DPP6: variants seen among roughly 807,000 people sequenced by gnomAD.
DPP6 encodes A-type potassium channel modulatory protein DPP6.
In DPP6, 69 loss-of-function variants were observed where a neutral mutation model predicts 122.6. The ratio of observed to expected loss-of-function variants is 0.56; its 90% CI spans 0.46 to 0.69. The LOEUF is 0.69. Among genes scored for constraint, DPP6 ranks in the 30% least tolerant of loss-of-function variants. The probability of loss-of-function intolerance (pLI) is 0.00; values close to 1 mark genes in which losing one functional copy is unlikely to be tolerated. For synonymous variants in DPP6, 418 were observed against 433.1 expected (o/e 0.97, Z 0.43); for missense variants, 928 against 1,116.9 (o/e 0.83, Z 2.41).
chr7:153,927,221 G>A (rs1281719664), intron 1 of DPP6, among the ~76,000 whole-genome samples: 1 of 152,186 alleles, frequency 6.6e-6, no homozygotes, highest in Admixed American at 6.5e-5. Context: ...GCTGAGGTGG[G>A]AGGATCACTT....
At chr7:154,488,324 T>TA (rs1315045580) in intron 3 of DPP6, among the ~76,000 whole-genome samples, 1 of 151,736 alleles carries the variant, frequency 6.6e-6, no homozygotes, top group African/African-American at 2.4e-5. Flanking sequence ...CCGTCTCTAC[T>TA]AAAAATACAA....
At chr7:154,731,207 G>A (rs2131376735) in intron 8 of DPP6, among the ~76,000 whole-genome samples, 1 of 152,202 alleles carries the variant, frequency 6.6e-6, no homozygotes, top group Admixed American at 6.5e-5. Flanking sequence ...GGGGGTGGGG[G>A]GAGATTAGAA....
At chr7:154,546,633 G>A (rs1829218379) in intron 4 of DPP6, among the ~76,000 whole-genome samples, 2 of 151,912 alleles carry the variant, frequency 1.3e-5, no homozygotes, top group Non-Finnish European at 2.9e-5. Flanking sequence ...TTTTCTCTAA[G>A]CTGTATCCTT....
chr7:154,405,452 A>G (rs891576945), intron 1 of DPP6, among the ~76,000 whole-genome samples: 2 of 152,220 alleles, frequency 1.3e-5, no homozygotes, highest in Non-Finnish European at 2.9e-5. Flanking sequence ...AAAGTATTAC[A>G]TATTCCTTTA....
intron 5 of DPP6, among the ~76,000 whole-genome samples, chr7:154,567,805 A>T (rs1428704929): frequency 6.6e-6 from 1 of 152,188 alleles, no homozygotes; most frequent in Admixed American, 6.5e-5. Flanking sequence ...CTTTTCTGGC[A>T]TGAGACAGTC....
chr7:153,800,524 G>A, the DPP6 span, among the ~76,000 whole-genome samples: 49 of 152,172 alleles, frequency 3.2e-4, no homozygotes, highest in Middle Eastern at 3.4e-3. Flanking sequence ...TACAGTTAAC[G>A]AAACTTTTTT....
rs192111932 is a variant in DPP6 at position 154,555,578 on chromosome 7, G to C, written c.553-11264G>C. Among the ~76,000 whole-genome samples the C allele has an allele frequency of 4.9e-3, 747 of 151,882 alleles. 8 individuals carry two copies. The highest frequency in any genetic ancestry group is 0.017 in the African/African-American group (688 of 41,406). On this transcript the variant is annotated intron_variant, in intron 4 of 25. Coordinates refer to ENST00000377770, the MANE Select transcript of DPP6 (RefSeq NM_130797.4). Reference sequence around the variant, plus strand: ...ACATGTATACATATGTAACAAACCTGCATGTTGCGCACATGTACCCTAAAA... The same window carrying C: ...ACATGTATACATATGTAACAAACCTCCATGTTGCGCACATGTACCCTAAAA...
chr7:153,809,898 T>A, the DPP6 span, among the ~76,000 whole-genome samples: 35 of 149,192 alleles, frequency 2.3e-4, no homozygotes, highest in African/African-American at 8.4e-4. Flanking sequence ...GTGTAGAAAT[T>A]ATTCATGTGT....
At chr7:154,412,072 T>A (rs1816651175) in intron 1 of DPP6, among the ~76,000 whole-genome samples, 1 of 152,116 alleles carries the variant, frequency 6.6e-6, no homozygotes, top group East Asian at 1.9e-4. Context: ...CACCTCCTTG[T>A]CAAGTCCTCG....
chr7:154,890,475 T>A (rs1806504349), intron 25 of DPP6: 2 of 152,198 alleles, frequency 1.3e-5, no homozygotes, highest in Admixed American at 6.5e-5. Context: ...GACGTTCAGA[T>A]TTCAGACTTT....
chr7:153,793,790 T>C, the DPP6 span, among the ~76,000 whole-genome samples: 813 of 144,974 alleles, frequency 5.6e-3, no homozygotes, highest in African/African-American at 0.022. Context: ...AAAGGGTCCC[T>C]GTACTGTGTG....
At chr7:154,830,855 A>G (rs1800575039) in intron 16 of DPP6, among the ~76,000 whole-genome samples, 1 of 152,222 alleles carries the variant, frequency 6.6e-6, no homozygotes, top group Admixed American at 6.5e-5. Context: ...TCATGTTTCA[A>G]GTATGAGTTC....
chr7:154,103,204 G>T (rs1252912517), intron 1 of DPP6, among the ~76,000 whole-genome samples: 1 of 152,156 alleles, frequency 6.6e-6, no homozygotes, highest in African/African-American at 2.4e-5. Context: ...CGACAGAAGT[G>T]CAGTCAACTC....
chr7:153,870,171 G>A, the DPP6 span, among the ~76,000 whole-genome samples: 54 of 152,100 alleles, frequency 3.6e-4, no homozygotes, highest in African/African-American at 1.2e-3. Flanking sequence ...GGTGTTCTCT[G>A]TACTTCCTGA....
chr7:154,349,088 A>AT (rs1311157091), intron 1 of DPP6, among the ~76,000 whole-genome samples: 1 of 152,230 alleles, frequency 6.6e-6, no homozygotes, highest in African/African-American at 2.4e-5. Flanking sequence ...GGAGGCAAAC[A>AT]TATGCCATGA....
At chr7:154,192,967 G>A (rs1254743424) in intron 1 of DPP6, among the ~76,000 whole-genome samples, 1 of 152,200 alleles carries the variant, frequency 6.6e-6, no homozygotes, top group South Asian at 2.1e-4. Flanking sequence ...GGAAATTAAG[G>A]CATGTGCTGT....
chr7:154,388,831 G>A (rs765997601), intron 1 of DPP6, among the ~76,000 whole-genome samples: 29 of 152,250 alleles, frequency 1.9e-4, no homozygotes, highest in Non-Finnish European at 3.1e-4. Context: ...AAACATATCC[G>A]TTGTCATTTA....
chr7:154,262,344 C>A (rs1408554208), intron 1 of DPP6, among the ~76,000 whole-genome samples: 1 of 152,044 alleles, frequency 6.6e-6, no homozygotes, highest in Non-Finnish European at 1.5e-5. Context: ...TAAAATGAGG[C>A]CATAGAGGTG....
chr7:154,148,092 A>T (rs374742972), intron 1 of DPP6, among the ~76,000 whole-genome samples: 2 of 148,132 alleles, frequency 1.4e-5, no homozygotes, highest in South Asian at 2.1e-4. Flanking sequence ...CTGAGGTCCT[A>T]TGGCCGCTCA....
Sources: gnomAD v4.1 joint callset for allele counts (sites outside exome capture counted in the v4.1 genomes callset) on GRCh38, gnomAD v4.1.1 for gene constraint, MANE v1.5 for transcripts, NCBI Gene and HGNC (gene_info 2026-07-23, HGNC 2026-07-21) for gene names.